Variants in AFF3 observed in about 807,000 individuals in gnomAD.
AFF3 encodes the protein AF4/FMR2 family member 3.
AFF3 carries 32 observed loss-of-function variants against 129.7 expected under a neutral mutation model. That is an observed-to-expected ratio of 0.25 (90% confidence interval 0.19 to 0.33). The LOEUF (loss-of-function observed/expected upper bound fraction) is 0.33, where lower values mean the gene tolerates loss of function less well. Among genes scored for constraint, AFF3 ranks in the 10% least tolerant of loss-of-function variants. The probability of loss-of-function intolerance (pLI) is 1.00; values close to 1 mark genes in which losing one functional copy is unlikely to be tolerated. For missense variants in AFF3, 1,373 were observed against 1,592.0 expected, an observed-to-expected ratio of 0.86 and a Z score of 2.34; for synonymous variants, 644 against 635.4, an observed-to-expected ratio of 1.01 and a Z score of -0.20.
At chr2:99,926,773 T>C (rs550530100) in intron 7 of AFF3, among the ~76,000 whole-genome samples, 1 of 152,196 alleles carries the variant, frequency 6.6e-6, no homozygotes, top group Non-Finnish European at 1.5e-5. Context: ...AAAAATACAA[T>C]ATATGCTTAA....
At chr2:99,875,922 A>T (rs62147619) in intron 7 of AFF3, among the ~76,000 whole-genome samples, 1 of 152,174 alleles carries the variant, frequency 6.6e-6, no homozygotes, top group Non-Finnish European at 1.5e-5. Context: ...GCTGAATCCA[A>T]CAGGCTTTTC....
intron 2 of AFF3, among the ~76,000 whole-genome samples, chr2:100,118,502 C>T (rs577037845): frequency 6.6e-6 from 1 of 152,320 alleles, no homozygotes; most frequent in Non-Finnish European, 1.5e-5. Context: ...AGTTATATTA[C>T]AGTGTCAGCA....
At chr2:100,138,586 A>G (rs1418263737) in intron 1 of AFF3, among the ~76,000 whole-genome samples, 1 of 152,208 alleles carries the variant, frequency 6.6e-6, no homozygotes, top group Non-Finnish European at 1.5e-5. Context: ...AGCTCATACC[A>G]CTTAAAAAGA....
intron 7 of AFF3, among the ~76,000 whole-genome samples, chr2:99,847,629 G>A (rs544715113): frequency 6.6e-6 from 1 of 152,050 alleles, no homozygotes; most frequent in East Asian, 2.0e-4. Context: ...GGCAGAGTGA[G>A]TCCTTCTGCT....
intron 7 of AFF3, among the ~76,000 whole-genome samples, chr2:99,838,229 G>T (rs1689045727): frequency 6.6e-6 from 1 of 152,154 alleles, no homozygotes; most frequent in African/African-American, 2.4e-5. Flanking sequence ...AAGAGTGCAG[G>T]ATGTGGGTTT....
intron 7 of AFF3, among the ~76,000 whole-genome samples, chr2:99,939,749 T>G (rs1258853609): frequency 6.6e-6 from 1 of 152,244 alleles, no homozygotes; most frequent in Admixed American, 6.5e-5. Context: ...CTACTTCTGC[T>G]GGATTAGTGG....
At chr2:99,728,575 T>C (rs1012186543) in intron 10 of AFF3, among the ~76,000 whole-genome samples, 10 of 152,196 alleles carry the variant, frequency 6.6e-5, no homozygotes, top group Non-Finnish European at 1.0e-4. Flanking sequence ...CTTATAGGAA[T>C]AAACAGTTGT....
intron 7 of AFF3, among the ~76,000 whole-genome samples, chr2:99,937,875 G>T (rs957935349): frequency 6.6e-6 from 1 of 152,174 alleles, no homozygotes; most frequent in Non-Finnish European, 1.5e-5. Context: ...TAAGGAAAAG[G>T]TTATAAAAAC....
intron 11 of AFF3, among the ~76,000 whole-genome samples, chr2:99,714,397 A>AT (rs1272844670): frequency 1.3e-5 from 2 of 151,916 alleles, no homozygotes; most frequent in African/African-American, 2.4e-5. Context: ...TTTCTATTTT[A>AT]TTTTTTATTC....
At chr2:100,040,535 T>A (rs1685333643) in intron 4 of AFF3, among the ~76,000 whole-genome samples, 1 of 152,168 alleles carries the variant, frequency 6.6e-6, no homozygotes, top group Non-Finnish European at 1.5e-5. Context: ...AACAAAAATG[T>A]CCTGGTTTTA....
At chr2:99,998,542 T>C (rs1011883847) in intron 7 of AFF3, among the ~76,000 whole-genome samples, 2 of 152,144 alleles carry the variant, frequency 1.3e-5, no homozygotes, top group African/African-American at 2.4e-5. Context: ...TAGAGAGAAA[T>C]AGCTGAATGC....
chr2:99,786,519 T>C (rs1057459567), intron 8 of AFF3, among the ~76,000 whole-genome samples: 1 of 152,194 alleles, frequency 6.6e-6, no homozygotes, highest in Non-Finnish European at 1.5e-5. Flanking sequence ...TTTTACTTCT[T>C]GATCTTACAT....
At chr2:99,608,905 T>C (rs1302244739) in intron 13 of AFF3, among the ~76,000 whole-genome samples, 2 of 152,220 alleles carry the variant, frequency 1.3e-5, no homozygotes, top group African/African-American at 4.8e-5. Flanking sequence ...AAGAGGCCTG[T>C]GGGGCACCAT....
intron 7 of AFF3, among the ~76,000 whole-genome samples, chr2:99,916,639 C>A (rs1323810395): frequency 6.6e-6 from 1 of 152,098 alleles, no homozygotes; most frequent in South Asian, 2.1e-4. Context: ...TATGCAAGCA[C>A]AGTACAACCA....
At chr2:99,899,472 A>C (rs1225399007) in intron 7 of AFF3, among the ~76,000 whole-genome samples, 2 of 152,200 alleles carry the variant, frequency 1.3e-5, no homozygotes, top group East Asian at 3.9e-4. Flanking sequence ...AGTGTGACTA[A>C]AGGGATAAAT....
At chr2:100,110,690 CAAG>C (rs2105526984) in intron 2 of AFF3, among the ~76,000 whole-genome samples, 2 of 152,318 alleles carry the variant, frequency 1.3e-5, no homozygotes, top group South Asian at 2.1e-4. Context: ...AAGTCCCAAA[CAAG>C]AAGAAGCAGA....
intron 4 of AFF3, among the ~76,000 whole-genome samples, chr2:100,060,554 A>G (rs984484960): frequency 3.9e-5 from 6 of 152,144 alleles, no homozygotes; most frequent in African/African-American, 1.4e-4. Flanking sequence ...CAGCTCTCTG[A>G]GCTATTAGAT....
chr2:99,963,637 C>A lies in AFF3; in HGVS notation c.873+42995G>T, dbSNP rs13001003. On this transcript the variant is annotated intron_variant, in intron 7 of 24. Coordinates refer to ENST00000672756, the MANE Select transcript of AFF3 (RefSeq NM_001386135.1). Reference sequence around the variant, plus strand: ...AGATGTACTAAAAAACAAAAAAAAACCCCAAAAACAAAAATCACTGAAAAC... The same window carrying A: ...AGATGTACTAAAAAACAAAAAAAAAACCCAAAAACAAAAATCACTGAAAAC... 1.1e-3 allele frequency among the ~76,000 whole-genome samples: 167 copies of A among 150,058 alleles called. 1 individual carries two copies. Among genetic ancestry groups the A allele is most frequent in the East Asian group, 2.9e-3 (15 of 5,134 alleles).
intron 7 of AFF3, among the ~76,000 whole-genome samples, chr2:99,945,496 G>C (rs1675471623): frequency 6.6e-6 from 1 of 152,152 alleles, no homozygotes; most frequent in African/African-American, 2.4e-5. Context: ...GAGTCATCAG[G>C]TTTGGCCCCT....
Sources: allele counts gnomAD v4.1 joint callset (sites outside exome capture counted in the v4.1 genomes callset), GRCh38; gene constraint gnomAD v4.1.1; transcripts MANE v1.5; gene names NCBI Gene and HGNC (gene_info 2026-07-23, HGNC 2026-07-21).